CNGB3: variants seen among roughly 807,000 people sequenced by gnomAD.
CNGB3 encodes cyclic nucleotide gated channel subunit beta 3.
In CNGB3, 86 loss-of-function variants were observed where a neutral mutation model predicts 92.8. That is an observed-to-expected ratio of 0.93 (90% CI 0.78 to 1.11). The LOEUF (loss-of-function observed/expected upper bound fraction) is 1.11, where lower values mean the gene tolerates loss of function less well. Among genes scored for constraint, CNGB3 ranks in the 50% least tolerant of loss-of-function variants. The pLI, the probability that CNGB3 is intolerant of heterozygous loss-of-function variation, is 0.00. For synonymous variants in CNGB3, 333 were observed against 332.7 expected (o/e 1.00, Z -0.01); for missense variants, 1,026 against 956.8 (o/e 1.07, Z -0.95).
intron 10 of CNGB3, among the ~76,000 whole-genome samples, chr8:86,639,349 C>T (rs1274098008): frequency 6.6e-6 from 1 of 152,044 alleles, no homozygotes; most frequent in African/African-American, 2.4e-5. Context: ...TAAATATTTG[C>T]ATTCTTTCTC....
At chr8:86,724,029 AG>A (rs1283589871) in intron 3 of CNGB3, among the ~76,000 whole-genome samples, 1 of 152,152 alleles carries the variant, frequency 6.6e-6, no homozygotes, top group East Asian at 1.9e-4. Flanking sequence ...AGCCTACTTG[AG>A]GATGACCGGA....
chr8:86,615,756 A>C (rs1487791818), intron 13 of CNGB3, among the ~76,000 whole-genome samples: 1 of 152,240 alleles, frequency 6.6e-6, no homozygotes, highest in East Asian at 1.9e-4. Flanking sequence ...CACTACTACC[A>C]GTTTATGTTT....
chr8:86,693,187 A>G (rs1395088264), intron 3 of CNGB3, among the ~76,000 whole-genome samples: 2 of 151,984 alleles, frequency 1.3e-5, no homozygotes, highest in East Asian at 3.9e-4. Context: ...AGTTTAGACA[A>G]CCTGATGACT....
chr8:86,601,926 C>T (rs899318082), intron 15 of CNGB3, among the ~76,000 whole-genome samples: 10 of 152,184 alleles, frequency 6.6e-5, no homozygotes, highest in African/African-American at 9.7e-5. Flanking sequence ...AAGCTGCTGT[C>T]AGGAATCTAG....
At chr8:86,717,815 T>C (rs2131664477) in intron 3 of CNGB3, among the ~76,000 whole-genome samples, 1 of 152,282 alleles carries the variant, frequency 6.6e-6, no homozygotes, top group South Asian at 2.1e-4. Flanking sequence ...TTAAGTACTC[T>C]TTCAGATCAC....
rs1451276609 is a variant in CNGB3 at position 86,625,590 on chromosome 8, G to T, written c.1578+393C>A. Among the ~76,000 whole-genome samples, 4 of 152,150 alleles carry T rather than the reference G, an allele frequency of 2.6e-5. No individual in the cohort carries two copies. The East Asian group carries it at 7.7e-4, about 29-fold the overall frequency. The stretch of plus-strand genomic sequence containing the variant: ...TATTTGTAATAGAAGACATGATTAG[G>T]TATAATTCTCTGATTGTCAGGCCAT... On this transcript the variant is annotated intron_variant, in intron 13 of 17. Coordinates refer to ENST00000320005, the MANE Select transcript of CNGB3 (RefSeq NM_019098.5).
At chr8:86,707,103 A>G (rs1387300570) in intron 3 of CNGB3, among the ~76,000 whole-genome samples, 1 of 152,152 alleles carries the variant, frequency 6.6e-6, no homozygotes, top group Non-Finnish European at 1.5e-5. Context: ...GGGAAGAAAC[A>G]TTATCTTCCT....
At position 86,578,807 on chromosome 8, in the gene CNGB3, A is replaced by AGAT. The variant is rs780866922; in HGVS notation, c.1982_1984dup (p.Asp661_Leu662insHis). The AGAT allele has an allele frequency of 8.7e-5, 141 of 1,614,028 alleles. No homozygotes were observed. The highest frequency in any genetic ancestry group is 9.3e-5 in the Non-Finnish European group (110 of 1,180,028). ...TTCTTTCGGTGGGAAGAGGAGGGCA[A>AGAT]GATCTTTTCTTGGAGGGGTTGCTTC... On this transcript the variant is annotated inframe_insertion, in exon 17 of 18. Coordinates refer to ENST00000320005, the MANE Select transcript of CNGB3 (RefSeq NM_019098.5).
chr8:86,607,351 G>T (rs1302824574), intron 14 of CNGB3, among the ~76,000 whole-genome samples: 1 of 152,156 alleles, frequency 6.6e-6, no homozygotes, highest in Non-Finnish European at 1.5e-5. Context: ...GGTTGTTAGC[G>T]TGTGGACTAA....
intron 3 of CNGB3, among the ~76,000 whole-genome samples, chr8:86,698,225 T>C (rs1433431315): frequency 1.3e-5 from 2 of 152,222 alleles, no homozygotes; most frequent in Non-Finnish European, 2.9e-5. Flanking sequence ...AAGTTATTAG[T>C]AAATGAAGAT....
chr8:86,659,093 G>A, intron 6 of CNGB3: 2 of 767,800 alleles, frequency 2.6e-6, no homozygotes, highest in South Asian at 1.6e-5. Flanking sequence ...GGGGTTCAGC[G>A]ATCTGTTCCC....
At chr8:86,685,569 TG>T (rs768779920) in intron 3 of CNGB3, among the ~76,000 whole-genome samples, 3 of 152,176 alleles carry the variant, frequency 2.0e-5, no homozygotes, top group Non-Finnish European at 4.4e-5. Context: ...TTTTCTGGAA[TG>T]CTAGCTGTGT....
Position 86,681,247 on chromosome 8 carries a change from G to A in CNGB3, c.339-10149C>T, listed in dbSNP as rs73690207. Among the ~76,000 whole-genome samples, 962 of 152,190 alleles carry A rather than the reference G, an allele frequency of 6.3e-3. 13 individuals carry two copies. The highest frequency in any genetic ancestry group is 0.022 in the African/African-American group (910 of 41,512). ...TATGTTGATTGGGATAGATTATTGC[G>A]AAAGGGAATAGATAAGAGACGTGAA... On this transcript the variant is annotated intron_variant, in intron 3 of 17. Coordinates refer to ENST00000320005, the MANE Select transcript of CNGB3 (RefSeq NM_019098.5).
chr8:86,595,223 T>C (rs1401390309), intron 15 of CNGB3, among the ~76,000 whole-genome samples: 1 of 152,216 alleles, frequency 6.6e-6, no homozygotes, highest in African/African-American at 2.4e-5. Flanking sequence ...GTTTTAATGA[T>C]ACAGATTTGC....
intron 3 of CNGB3, among the ~76,000 whole-genome samples, chr8:86,720,200 G>T (rs1824939153): frequency 6.6e-6 from 1 of 152,132 alleles, no homozygotes; most frequent in Admixed American, 6.5e-5. Flanking sequence ...AATCAGCAGA[G>T]TTAACAGACA....
rs915567025 is a variant in CNGB3, at chr8:86,695,052, C to T, written c.339-23954G>A. On this transcript the variant is annotated intron_variant, in intron 3 of 17. Coordinates refer to ENST00000320005, the MANE Select transcript of CNGB3 (RefSeq NM_019098.5). The stretch of plus-strand genomic sequence containing the variant: ...GACTCCGTCTGCAATCCCGGCACCT[C>T]GGGAGGCCAAGGCTGGCGGATCACT... 5.3e-5 allele frequency among the ~76,000 whole-genome samples: 8 copies of T among 152,208 alleles called. No individual in the cohort carries two copies. The South Asian group carries it at 1.0e-3, about 20-fold the overall frequency.
chr8:86,661,502 C>T (rs770294830), intron 6 of CNGB3: 19 of 643,710 alleles, frequency 3.0e-5, no homozygotes, highest in Non-Finnish European at 5.1e-5. Context: ...CTTGCACTGA[C>T]CCAAACACCA....
chr8:86,599,352 C>G (rs554862873), intron 15 of CNGB3, among the ~76,000 whole-genome samples: 122 of 152,214 alleles, frequency 8.0e-4, no homozygotes, highest in Admixed American at 2.4e-3. Context: ...GGGATGATTG[C>G]GTTAACTGCA....
At position 86,600,398 on chromosome 8, in the gene CNGB3, A is replaced by G. The variant is rs148330197; in HGVS notation, c.1781+3695T>C. On this transcript the variant is annotated intron_variant, in intron 15 of 17. Transcript: ENST00000320005. ...AGGAATACATGGCCTTCTTTGAGTC[A>G]CTTTCACACTATGCCATAAGGGGAC... Among the ~76,000 whole-genome samples the G allele has an allele frequency of 4.9e-4, 75 of 152,282 alleles. 1 individual carries two copies. The highest frequency in any genetic ancestry group is 1.8e-3 in the African/African-American group (73 of 41,554).
Sources: gnomAD v4.1 joint callset for allele counts (sites outside exome capture counted in the v4.1 genomes callset) on GRCh38, gnomAD v4.1.1 for gene constraint, MANE v1.5 for transcripts, NCBI Gene and HGNC (gene_info 2026-07-23, HGNC 2026-07-21) for gene names.